ASPH: variants seen among roughly 807,000 people sequenced by gnomAD.
ASPH encodes the protein aspartate beta-hydroxylase, also known as aspartyl/asparaginyl beta-hydroxylase.
In ASPH, 100 loss-of-function variants were observed where a neutral mutation model predicts 118.4. That is an observed-to-expected ratio of 0.84 (90% CI 0.72 to 1.00). The LOEUF (loss-of-function observed/expected upper bound fraction) is 1.00, where lower values mean the gene tolerates loss of function less well. Ranked by LOEUF, ASPH falls within the 50% of genes least tolerant of loss-of-function variation. ASPH has a pLI of 0.00. For missense variants in ASPH, 920 were observed against 919.5 expected, an observed-to-expected ratio of 1.00 and a Z score of -0.01; for synonymous variants, 315 against 325.6, an observed-to-expected ratio of 0.97 and a Z score of 0.35.
At position 61,503,395 on chromosome 8, in the gene ASPH, C is replaced by G; in HGVS notation, c.2241G>C (p.Leu747=). 1 of 1,611,662 alleles carries G rather than the reference C, an allele frequency of 6.2e-7. No homozygotes were observed. The highest frequency in any genetic ancestry group is 8.5e-7 in the Non-Finnish European group (1 of 1,178,990). Reference sequence around the variant, plus strand: ...GAAGGCTGCGTCTCTGCTGTGGTGTCAGTTCCGGATGCCACACATCCACGA... The same window carrying G: ...GAAGGCTGCGTCTCTGCTGTGGTGTGAGTTCCGGATGCCACACATCCACGA... ...IFIVDVWHPE[L]TPQQRRSLPA... Residue 747 remains leucine, a synonymous_variant, in exon 25 of 25, where the codon CTG becomes CTC. Coordinates refer to ENST00000379454, the MANE Select transcript of ASPH (RefSeq NM_004318.4).
rs146801214 is a variant in ASPH, at chr8:61,519,867, C to G, written c.1901-1744G>C. 7.9e-5 allele frequency among the ~76,000 whole-genome samples: 12 copies of G among 152,306 alleles called. No homozygotes were observed. In the East Asian group the frequency reaches 2.1e-3, roughly 27 times the overall value. ...GCTCAGTGTGATCTATTGTAGACTT[C>G]TGACCTCTAGAACTATAAGATAATA... On this transcript the variant is annotated intron_variant, in intron 22 of 24. Coordinates refer to ENST00000379454, the MANE Select transcript of ASPH (RefSeq NM_004318.4).
intron 14 of ASPH, among the ~76,000 whole-genome samples, chr8:61,593,860 C>T (rs1752238882): frequency 6.6e-6 from 1 of 152,174 alleles, no homozygotes; most frequent in Admixed American, 6.5e-5. Context: ...GCACACGTTC[C>T]ATGAGAGAAT....
At chr8:61,626,160 C>T in intron 13 of ASPH, 1 of 1,274,608 alleles carries the variant, frequency 7.8e-7, no homozygotes, top group Non-Finnish European at 1.0e-6. Flanking sequence ...GTGTTCCTTC[C>T]CAAAGATCTT....
intron 14 of ASPH, among the ~76,000 whole-genome samples, chr8:61,611,174 A>G (rs1393341030): frequency 6.6e-6 from 1 of 152,214 alleles, no homozygotes; most frequent in African/African-American, 2.4e-5. Flanking sequence ...GATTAGCTAT[A>G]ATGACTTCAA....
At chr8:61,545,209 G>C (rs149371619) in intron 21 of ASPH, among the ~76,000 whole-genome samples, 123 of 152,288 alleles carry the variant, frequency 8.1e-4, no homozygotes, top group Non-Finnish European at 1.1e-3. Flanking sequence ...AGGCAAGTAA[G>C]ATTATTGTCC....
chr8:61,702,276 A>ACTTCT (rs1835402681), intron 1 of ASPH, among the ~76,000 whole-genome samples: 1 of 144,156 alleles, frequency 6.9e-6, no homozygotes, highest in Non-Finnish European at 1.5e-5. Context: ...CCAAATAGCT[A>ACTTCT]CTTCTTTTTT....
chr8:61,561,154 T>G (rs1443257826), intron 18 of ASPH, among the ~76,000 whole-genome samples: 23 of 130,956 alleles, frequency 1.8e-4, no homozygotes, highest in South Asian at 2.3e-4. Context: ...AAGTTAGGAA[T>G]TCTACAAGTT....
intron 24 of ASPH, among the ~76,000 whole-genome samples, chr8:61,510,245 T>C (rs147167454): frequency 6.6e-6 from 1 of 152,224 alleles, no homozygotes; most frequent in Non-Finnish European, 1.5e-5. Context: ...ATATTGAGGC[T>C]TAATGAGGTT....
rs575665556 is a variant in ASPH at position 61,663,127 on chromosome 8, T to C, written c.323-9467A>G. 2.2e-5 allele frequency: 22 copies of C among 985,384 alleles called. No homozygotes were observed. The South Asian group carries it at 8.5e-4, about 38-fold the overall frequency. The allele number at this position is 985,384 out of a possible 1,614,324, so 61.0% of individuals were successfully genotyped here. On this transcript the variant is annotated intron_variant, in intron 3 of 24. Coordinates refer to ENST00000379454, the MANE Select transcript of ASPH (RefSeq NM_004318.4). ...GGAGAAAAGATCTAACACGGGGATATGGTTTGAGAATCGTGTAACTTTCAT... is the reference window on the plus strand; with the variant it reads ...GGAGAAAAGATCTAACACGGGGATACGGTTTGAGAATCGTGTAACTTTCAT...
chr8:61,568,713 G>T (rs1331971543), intron 16 of ASPH, among the ~76,000 whole-genome samples: 1 of 152,082 alleles, frequency 6.6e-6, no homozygotes, highest in Non-Finnish European at 1.5e-5. Context: ...AGCGGTCCAA[G>T]AACTGAATCC....
intron 15 of ASPH, 95 bp downstream of exon 15, chr8:61,583,848 CT>C: frequency 1.1e-6 from 1 of 886,190 alleles, no homozygotes. Flanking sequence ...ACTGTTGTTT[CT>C]TTTACACTTA....
chr8:61,622,687 T>C (rs923121403), intron 13 of ASPH, among the ~76,000 whole-genome samples: 2 of 152,188 alleles, frequency 1.3e-5, no homozygotes, highest in African/African-American at 2.4e-5. Flanking sequence ...CTCCCTCCAA[T>C]GGCTTCCACC....
intron 20 of ASPH, among the ~76,000 whole-genome samples, chr8:61,550,984 G>GA (rs1308936918): frequency 9.8e-5 from 15 of 152,290 alleles, no homozygotes; most frequent in Middle Eastern, 3.4e-3. Flanking sequence ...GAATATCATT[G>GA]AATGAGAGAA....
intron 21 of ASPH, among the ~76,000 whole-genome samples, chr8:61,538,984 G>A (rs1204140860): frequency 6.6e-6 from 1 of 152,218 alleles, no homozygotes; most frequent in Non-Finnish European, 1.5e-5. Flanking sequence ...GCTCATGCCT[G>A]TAATTCCAGC....
intron 16 of ASPH, among the ~76,000 whole-genome samples, chr8:61,574,023 T>C (rs1834311615): frequency 6.6e-6 from 1 of 151,918 alleles, no homozygotes; most frequent in African/African-American, 2.4e-5. Flanking sequence ...AACAACCCCA[T>C]CAAAAAGTGG....
intron 14 of ASPH, among the ~76,000 whole-genome samples, chr8:61,604,066 G>A (rs1016868803): frequency 1.3e-5 from 2 of 152,250 alleles, no homozygotes; most frequent in African/African-American, 4.8e-5. Flanking sequence ...GGCTAAACAG[G>A]TGGCTTACAG....
At chr8:61,701,351 C>G (rs1457961147) in intron 1 of ASPH, among the ~76,000 whole-genome samples, 1 of 152,166 alleles carries the variant, frequency 6.6e-6, no homozygotes, top group African/African-American at 2.4e-5. Flanking sequence ...GTGAACTGTG[C>G]TCTTACTCAA....
intron 19 of ASPH, among the ~76,000 whole-genome samples, chr8:61,555,514 G>A (rs976086076): frequency 2.0e-5 from 3 of 151,956 alleles, no homozygotes; most frequent in South Asian, 2.1e-4. Flanking sequence ...GGCTGGTCTC[G>A]AACTCCTGAC....
At chr8:61,678,364 C>T (rs1826369100) in intron 3 of ASPH, among the ~76,000 whole-genome samples, 1 of 151,890 alleles carries the variant, frequency 6.6e-6, no homozygotes, top group Non-Finnish European at 1.5e-5. Flanking sequence ...TGAACTACAA[C>T]AAAAGATACC....
Sources: gnomAD v4.1 joint callset for allele counts (sites outside exome capture counted in the v4.1 genomes callset) on GRCh38, gnomAD v4.1.1 for gene constraint, MANE v1.5 for transcripts, NCBI Gene and HGNC (gene_info 2026-07-23, HGNC 2026-07-21) for gene names.